The following ARNT variants were observed in gnomAD, a reference collection of about 807,000 sequenced individuals.
ARNT encodes aryl hydrocarbon receptor nuclear translocator.
Under a neutral mutation model 105.0 loss-of-function variants are expected in ARNT, and 30 were observed. That is an observed-to-expected ratio of 0.29 (90% CI 0.21 to 0.39). ARNT has a LOEUF of 0.39. Ranked by LOEUF, ARNT falls within the 10% of genes least tolerant of loss-of-function variation. The pLI, the probability that ARNT is intolerant of heterozygous loss-of-function variation, is 1.00. For synonymous variants in ARNT, 304 were observed against 344.0 expected (o/e 0.88, Z 1.29); for missense variants, 748 against 978.7 (o/e 0.76, Z 3.15).
At chr1:150,829,883 A>G in intron 11 of ARNT, 21 bp downstream of exon 11, 1 of 1,613,312 alleles carries the variant, frequency 6.2e-7, no homozygotes, top group Middle Eastern at 1.7e-4. Context: ...GGGAATATAG[A>G]TGTGGAAAAT....
chr1:150,821,413 A>T (rs1399771922), intron 14 of ARNT, among the ~76,000 whole-genome samples: 1 of 152,250 alleles, frequency 6.6e-6, no homozygotes, highest in Admixed American at 6.5e-5. Context: ...TGCAATATGC[A>T]ATTTACTGGA....
intron 13 of ARNT, among the ~76,000 whole-genome samples, chr1:150,825,819 C>T (rs1039204760): frequency 6.6e-6 from 1 of 150,590 alleles, no homozygotes; most frequent in Non-Finnish European, 1.5e-5. Flanking sequence ...CTACACTCCA[C>T]CCTGGCGACA....
intron 1 of ARNT, among the ~76,000 whole-genome samples, chr1:150,872,209 C>T (rs894394431): frequency 3.3e-5 from 5 of 152,084 alleles, no homozygotes; most frequent in Non-Finnish European, 7.4e-5. Flanking sequence ...CGGCCTGCCT[C>T]GGCCTCCCAA....
chr1:150,849,130 G>A (rs886486372), intron 3 of ARNT, among the ~76,000 whole-genome samples: 4 of 152,030 alleles, frequency 2.6e-5, no homozygotes, highest in African/African-American at 9.7e-5. Context: ...TTGAACCTGG[G>A]AGGCAGAGGT....
In ARNT at chr1:150,823,359, C is replaced by T. The variant is rs1657503943; in HGVS notation, c.1243-14G>A. ...TAATTTCACTACCTGAAAAAGTTTT[C>T]ATGCCATCAGTGGAACTCATAGAAA... On this transcript the variant is annotated splice_polypyrimidine_tract_variant and intron_variant, in intron 13 of 21. Transcript: ENST00000358595. 6.3e-7 allele frequency: 1 copy of T among 1,582,852 alleles called. No individual in the cohort carries two copies. The highest frequency in any genetic ancestry group is 1.8e-5 in the Admixed American group (1 of 56,408).
Position 150,817,388 on chromosome 1 carries a change from A to C in ARNT, c.1551T>G (p.Asp517Glu), listed in dbSNP as rs10305741. The part of the protein sequence containing the change: ...QTELDMVPGR[D>E]GLASYNHSQV... Reference sequence around the variant, plus strand: ...GGGAATGATTGTAGCTGGCCAGTCCATCTCTTCCTGGTACCATGTCCAATT... The same window carrying C: ...GGGAATGATTGTAGCTGGCCAGTCCCTCTCTTCCTGGTACCATGTCCAATT... Residue 517 changes from aspartate (D) to glutamate (E), a missense_variant, in exon 16 of 22, where the codon GAT becomes GAG. Asp to Glu is a conservative substitution (Grantham distance 45). Coordinates refer to ENST00000358595, the MANE Select transcript of ARNT (RefSeq NM_001668.4). 1.0e-2 allele frequency: 16,108 copies of C among 1,614,054 alleles called. 99 individuals are homozygous for C. The highest frequency in any genetic ancestry group is 0.013 in the Middle Eastern group (78 of 6,058).
chr1:150,836,660 G>A (rs142087886), intron 6 of ARNT, among the ~76,000 whole-genome samples, 167 bp from the exon 7 acceptor site: 1 of 152,268 alleles, frequency 6.6e-6, no homozygotes, highest in Non-Finnish European at 1.5e-5. Flanking sequence ...GTAGTTCATC[G>A]ATAAGAAAGT....
Position 150,813,152 on chromosome 1 carries a change from A to C in ARNT, c.2280+20T>G. The C allele has an allele frequency of 6.2e-7, 1 of 1,604,790 alleles. No individual in the cohort carries two copies. Among genetic ancestry groups the C allele is most frequent in the African/African-American group, 1.3e-5 (1 of 74,704 alleles). ...TTCTCTCCCAGCTTCTAATTTTTGAAAGTCTTTTCACTCTCTTACCTGGAA... is the reference window on the plus strand; with the variant it reads ...TTCTCTCCCAGCTTCTAATTTTTGACAGTCTTTTCACTCTCTTACCTGGAA... On this transcript the variant is annotated intron_variant, in intron 21 of 21. Transcript: ENST00000358595.
chr1:150,853,921 C>G (rs1487915928), intron 2 of ARNT, among the ~76,000 whole-genome samples: 1 of 152,144 alleles, frequency 6.6e-6, no homozygotes, highest in Non-Finnish European at 1.5e-5. Flanking sequence ...ATTGGGATAC[C>G]TTGATATTAT....
rs1654486312 is a variant in ARNT, at chr1:150,810,231, A to T, written c.*1790T>A. ...CAAAACAGTCAAAAATAAAACCCTG[A>T]AGGAAAAGCAAAAACAAAACCCCCA... On this transcript the variant is annotated 3_prime_UTR_variant, in exon 22 of 22. Coordinates refer to ENST00000358595, the MANE Select transcript of ARNT (RefSeq NM_001668.4). 4.3e-6 allele frequency: 1 copy of T among 233,098 alleles called. No individual in the cohort carries two copies. Among genetic ancestry groups the T allele is most frequent in the African/African-American group, 2.2e-5 (1 of 45,294 alleles). 14.4% of individuals were successfully genotyped at this position (233,098 alleles called of 1,614,324 possible).
chr1:150,867,869 C>T (rs189450272), intron 1 of ARNT, among the ~76,000 whole-genome samples: 1 of 152,230 alleles, frequency 6.6e-6, no homozygotes, highest in East Asian at 1.9e-4. Context: ...CATGTGAAGA[C>T]ATGCTTGCTT....
rs895404809 is a variant in ARNT, at chr1:150,876,498, T to G, written c.25+45A>C. The G allele has an allele frequency of 5.2e-6, 8 of 1,546,830 alleles. No homozygotes were observed. The African/African-American group carries it at 1.1e-4, about 21-fold the overall frequency. On this transcript the variant is annotated intron_variant, in intron 1 of 21. Coordinates refer to ENST00000358595, the MANE Select transcript of ARNT (RefSeq NM_001668.4). ...TGGGTCTCCTTAGTTGTCAGCCCCT[T>G]CGGCCCCTCCCCTTTAGAGGCGCCC...
chr1:150,813,043 C>G, intron 21 of ARNT, 129 bp downstream of exon 21: 1 of 1,021,516 alleles, frequency 9.8e-7, no homozygotes, highest in East Asian at 2.5e-5. Context: ...ACATTTATCC[C>G]TCTCTGTCTT....
chr1:150,852,627 A>G (rs1257758513), intron 3 of ARNT, 135 bp downstream of exon 3: 4 of 739,832 alleles, frequency 5.4e-6, no homozygotes, highest in Non-Finnish European at 8.7e-6. Flanking sequence ...ATTTTCTGAG[A>G]TATATGAATA....
In ARNT at chr1:150,846,314, G is replaced by T; in HGVS notation, c.183-7C>A. 1.2e-6 allele frequency: 2 copies of T among 1,613,404 alleles called. No individual in the cohort carries two copies. Among genetic ancestry groups the T allele is most frequent in the Non-Finnish European group, 1.7e-6 (2 of 1,179,636 alleles). ...CATCTGATCATCATCACACCTGAAG[G>T]AGAGAAAAAGGATTGTTTCAAAGCA... is the stretch of plus-strand genomic sequence containing the variant. On this transcript the variant is annotated splice_region_variant and splice_polypyrimidine_tract_variant and intron_variant, in intron 3 of 21. Coordinates refer to ENST00000358595, the MANE Select transcript of ARNT (RefSeq NM_001668.4).
chr1:150,842,338 A>G (rs1661433948), intron 5 of ARNT, 86 bp downstream of exon 5: 5 of 1,541,762 alleles, frequency 3.2e-6, no homozygotes, highest in Non-Finnish European at 4.4e-6. Flanking sequence ...ATACAAAGAG[A>G]AAGGGGAAGA....
chr1:150,818,076 A>AG, intron 14 of ARNT, 46 bp from the exon 15 acceptor site: 1 of 1,107,540 alleles, frequency 9.0e-7, no homozygotes, highest in Non-Finnish European at 1.3e-6. Context: ...AGAGGGAGGA[A>AG]GGGGGGAGAG....
chr1:150,813,470 C>G lies in ARNT; in HGVS notation c.2114-132G>C, dbSNP rs995438061. ...TAACTCTGTCCTTCTCTCTGCCAATCAATGCCTTTTCTATCTCAAAACTCA... is the reference window on the plus strand; with the variant it reads ...TAACTCTGTCCTTCTCTCTGCCAATGAATGCCTTTTCTATCTCAAAACTCA... On this transcript the variant is annotated intron_variant, in intron 20 of 21. Coordinates refer to ENST00000358595, the MANE Select transcript of ARNT (RefSeq NM_001668.4). 1.6e-5 allele frequency: 15 copies of G among 915,196 alleles called. No individual in the cohort carries two copies. In the African/African-American group the frequency reaches 2.5e-4, roughly 15 times the overall value. 56.7% of individuals were successfully genotyped at this position (915,196 alleles called of 1,614,324 possible). A position where few individuals can be genotyped will look rare whatever the true frequency, so the allele number is the denominator to read the frequency against.
Position 150,834,646 on chromosome 1 carries a change from G to A in ARNT, c.701-6C>T, listed in dbSNP as rs980513750. The A allele has an allele frequency of 1.9e-6, 3 of 1,613,286 alleles. No individual in the cohort carries two copies. Among genetic ancestry groups the A allele is most frequent in the Non-Finnish European group, 2.5e-6 (3 of 1,179,496 alleles). On this transcript the variant is annotated splice_polypyrimidine_tract_variant and splice_region_variant and intron_variant, in intron 7 of 21. Coordinates refer to ENST00000358595, the MANE Select transcript of ARNT (RefSeq NM_001668.4). The stretch of plus-strand genomic sequence containing the variant: ...CTTTAGATCCAGGATACGCCCTGAA[G>A]GAAGATGTGAAGAGCAGTCTGGAGT...
Sources: allele counts gnomAD v4.1 joint callset (sites outside exome capture counted in the v4.1 genomes callset), GRCh38; gene constraint gnomAD v4.1.1; transcripts MANE v1.5; gene names NCBI Gene and HGNC (gene_info 2026-07-23, HGNC 2026-07-21).